MYO1E: variants seen among roughly 807,000 people sequenced by gnomAD.
The protein encoded by MYO1E is unconventional myosin-Ie.
A neutral mutation model predicts 151.1 loss-of-function variants in MYO1E; 68 were observed. The observed-to-expected ratio is 0.45, with a 90% confidence interval of 0.37 to 0.55. The LOEUF (loss-of-function observed/expected upper bound fraction) is 0.55. Ranked by LOEUF, MYO1E falls within the 20% of genes least tolerant of loss-of-function variation. The probability of loss-of-function intolerance (pLI) is 0.00; values close to 1 mark genes in which losing one functional copy is unlikely to be tolerated. For synonymous variants in MYO1E, 601 were observed against 501.7 expected, an observed-to-expected ratio of 1.20 and a Z score of -2.64; for missense variants, 1,363 against 1,389.3, an observed-to-expected ratio of 0.98 and a Z score of 0.30.
rs1189587453 is a variant in MYO1E at position 59,134,129 on chromosome 15, A to G, written c.*3251T>C. 2 of 152,280 alleles carry G rather than the reference A, an allele frequency of 1.3e-5. No individual in the cohort carries two copies. The highest frequency in any genetic ancestry group is 6.5e-5 in the Admixed American group (1 of 15,276). 9.4% of individuals were successfully genotyped at this position (152,280 alleles called of 1,614,324 possible). On this transcript the variant is annotated 3_prime_UTR_variant, in exon 28 of 28. Coordinates refer to ENST00000288235, the MANE Select transcript of MYO1E (RefSeq NM_004998.4). ...ATGACTAAGCTCTGGCCAGCAGAATATTGGTGGACATGGTGTGCACACAGG... is the reference window on the plus strand; with the variant it reads ...ATGACTAAGCTCTGGCCAGCAGAATGTTGGTGGACATGGTGTGCACACAGG...
chr15:59,262,875 CAACA>C (rs2080232241), intron 2 of MYO1E, among the ~76,000 whole-genome samples: 1 of 152,044 alleles, frequency 6.6e-6, no homozygotes, highest in Non-Finnish European at 1.5e-5. Flanking sequence ...ATTATTCATT[CAACA>C]ATCAACTAAT....
At chr15:59,362,162 C>A (rs1402215292) in intron 1 of MYO1E, among the ~76,000 whole-genome samples, 1 of 152,134 alleles carries the variant, frequency 6.6e-6, no homozygotes, top group Admixed American at 6.6e-5. Flanking sequence ...AATATCCACA[C>A]AAATACATAT....
rs756507155 is a variant in MYO1E at position 59,178,561 on chromosome 15, G to T, written c.1905-24C>A. 90 of 1,613,174 alleles carry T rather than the reference G, an allele frequency of 5.6e-5. No individual in the cohort carries two copies. In the East Asian group the frequency reaches 2.0e-3, roughly 35 times the overall value. ...ACCTGTGGGGACATTGGGGAGAAGA[G>T]AATCACACTTGGGCGGGACCGCACT... On this transcript the variant is annotated intron_variant, in intron 18 of 27. Transcript: ENST00000288235.
chr15:59,300,163 G>C (rs2080473227), intron 1 of MYO1E, among the ~76,000 whole-genome samples: 1 of 152,120 alleles, frequency 6.6e-6, no homozygotes, highest in African/African-American at 2.4e-5. Context: ...GGGTCCTCTT[G>C]AATCTCTTCT....
rs1291214862 is a variant in MYO1E, at chr15:59,208,632, A to G, written c.1530+49T>C. The G allele has an allele frequency of 3.7e-6, 6 of 1,609,286 alleles. No homozygotes were observed. The African/African-American group carries it at 6.7e-5, about 18-fold the overall frequency. ...TTGCTTCATGAGAAACCAGATCACA[A>G]ACCCAAAGGCTTAAAACAGATAGAC... On this transcript the variant is annotated intron_variant, in intron 14 of 27. Coordinates refer to ENST00000288235, the MANE Select transcript of MYO1E (RefSeq NM_004998.4).
chr15:59,203,683 T>C (rs1211385083), intron 15 of MYO1E, among the ~76,000 whole-genome samples: 1 of 152,144 alleles, frequency 6.6e-6, no homozygotes, highest in East Asian at 1.9e-4. Flanking sequence ...CTGAAGATAC[T>C]TTCATTAGTG....
intron 4 of MYO1E, among the ~76,000 whole-genome samples, chr15:59,250,132 G>C (rs2080155464): frequency 6.6e-6 from 1 of 152,202 alleles, no homozygotes; most frequent in Admixed American, 6.5e-5. Flanking sequence ...TGCCCTCGGT[G>C]ACTGGGCGGT....
intron 1 of MYO1E, among the ~76,000 whole-genome samples, chr15:59,285,727 AT>A (rs761300154): frequency 6.6e-6 from 1 of 152,244 alleles, no homozygotes; most frequent in Non-Finnish European, 1.5e-5. Context: ...AGTGAAAAAA[AT>A]TTTTAAGAAA....
chr15:59,284,713 A>C (rs1384835233), intron 1 of MYO1E, among the ~76,000 whole-genome samples: 1 of 151,484 alleles, frequency 6.6e-6, no homozygotes, highest in Non-Finnish European at 1.5e-5. Context: ...GGGCTTGAGC[A>C]ATCCTCCTGC....
chr15:59,267,165 A>G (rs2080260950), intron 2 of MYO1E, among the ~76,000 whole-genome samples: 1 of 151,136 alleles, frequency 6.6e-6, no homozygotes. Flanking sequence ...AGCCGGGACT[A>G]CAGGCATGCG....
intron 2 of MYO1E, among the ~76,000 whole-genome samples, chr15:59,271,663 C>T (rs889512491): frequency 2.0e-5 from 3 of 152,212 alleles, no homozygotes; most frequent in Non-Finnish European, 4.4e-5. Context: ...TAAAGAACAA[C>T]TGAAGAACGT....
At chr15:59,319,870 C>A (rs1021375765) in intron 1 of MYO1E, among the ~76,000 whole-genome samples, 6 of 152,056 alleles carry the variant, frequency 3.9e-5, no homozygotes, top group Non-Finnish European at 5.9e-5. Context: ...CCATTGCACT[C>A]CAGCCTGGGC....
chr15:59,245,434 CTCAA>C (rs2080123784), intron 4 of MYO1E, among the ~76,000 whole-genome samples: 1 of 152,206 alleles, frequency 6.6e-6, no homozygotes, highest in Non-Finnish European at 1.5e-5. Context: ...AACTCTCTTA[CTCAA>C]TCAGTCAGCA....
chr15:59,242,691 G>A (rs564818293), intron 4 of MYO1E, among the ~76,000 whole-genome samples: 1 of 152,294 alleles, frequency 6.6e-6, no homozygotes, highest in African/African-American at 2.4e-5. Context: ...ATGTTGTCAT[G>A]ATCTGAGAAT....
intron 9 of MYO1E, among the ~76,000 whole-genome samples, chr15:59,220,925 TA>T (rs59578227): frequency 0.68 from 53,005 of 77,840 alleles, 17,601 homozygotes; most frequent in East Asian, 0.86. Context: ...CCCCATCTCT[TA>T]AAAAAAAAAA....
chr15:59,189,504 T>TTTC (rs111238174), intron 17 of MYO1E, among the ~76,000 whole-genome samples: 2 of 150,176 alleles, frequency 1.3e-5, no homozygotes, highest in Non-Finnish European at 3.0e-5. Context: ...TTTCTTTTTC[T>TTTC]TTTCTTTCTT....
At chr15:59,260,576 C>T (rs1186718423) in intron 3 of MYO1E, among the ~76,000 whole-genome samples, 1 of 152,128 alleles carries the variant, frequency 6.6e-6, no homozygotes, top group Non-Finnish European at 1.5e-5. Context: ...TGATGAACCA[C>T]AGAATAAAAT....
intron 1 of MYO1E, among the ~76,000 whole-genome samples, chr15:59,305,259 T>C (rs1220514166): frequency 6.6e-6 from 1 of 152,166 alleles, no homozygotes; most frequent in Non-Finnish European, 1.5e-5. Context: ...AGTGGCATGA[T>C]CTCAGCTCAC....
chr15:59,358,309 C>A (rs1421228004), intron 1 of MYO1E, among the ~76,000 whole-genome samples: 1 of 152,120 alleles, frequency 6.6e-6, no homozygotes, highest in Non-Finnish European at 1.5e-5. Context: ...CTTTGGTTTA[C>A]TGGCCTTACT....
Sources: gnomAD v4.1 joint callset for allele counts (sites outside exome capture counted in the v4.1 genomes callset) on GRCh38, gnomAD v4.1.1 for gene constraint, MANE v1.5 for transcripts, NCBI Gene and HGNC (gene_info 2026-07-23, HGNC 2026-07-21) for gene names.